PDZD2: variants seen among roughly 807,000 people sequenced by gnomAD.
PDZD2 encodes the protein PDZ domain-containing protein 2.
PDZD2 carries 90 observed loss-of-function variants against 220.7 expected under a neutral mutation model. The ratio of observed to expected loss-of-function variants is 0.41; its 90% CI spans 0.34 to 0.49. The LOEUF is 0.49. PDZD2 is among the 20% of genes least tolerant of loss of function. The pLI, the probability that PDZD2 is intolerant of heterozygous loss-of-function variation, is 0.28. For missense variants in PDZD2, 3,174 were observed against 3,608.5 expected (o/e 0.88, Z 3.08); for synonymous variants, 1,375 against 1,450.5 (o/e 0.95, Z 1.18).
intron 2 of PDZD2, among the ~76,000 whole-genome samples, chr5:31,830,895 A>G (rs895181920): frequency 1.3e-5 from 2 of 152,180 alleles, no homozygotes; most frequent in African/African-American, 4.8e-5. Context: ...GCTAATTCAG[A>G]GGCATTGTGG....
intron 1 of PDZD2, among the ~76,000 whole-genome samples, chr5:31,735,597 C>T (rs1474567045): frequency 6.6e-6 from 1 of 151,862 alleles, no homozygotes; most frequent in South Asian, 2.1e-4. Context: ...GTCAGGAGTT[C>T]GAGACCAGCT....
intron 1 of PDZD2, among the ~76,000 whole-genome samples, chr5:31,663,088 T>C (rs1745846604): frequency 6.6e-6 from 1 of 152,186 alleles, no homozygotes; most frequent in African/African-American, 2.4e-5. Context: ...TCCATTCACG[T>C]CCACAATGCC....
chr5:31,781,477 G>T (rs1310368248), intron 1 of PDZD2, among the ~76,000 whole-genome samples: 2 of 152,212 alleles, frequency 1.3e-5, no homozygotes, highest in East Asian at 3.9e-4. Flanking sequence ...AAGGGAGGAA[G>T]TGGTGGGTAT....
chr5:31,640,638 G>A (rs1275928428), intron 1 of PDZD2, among the ~76,000 whole-genome samples: 1 of 152,030 alleles, frequency 6.6e-6, no homozygotes, highest in Non-Finnish European at 1.5e-5. Flanking sequence ...ATCTCTACTG[G>A]GCCAGCTTTT....
At chr5:32,068,145 A>G (rs1740388809) in intron 14 of PDZD2, among the ~76,000 whole-genome samples, 1 of 151,890 alleles carries the variant, frequency 6.6e-6, no homozygotes, top group African/African-American at 2.4e-5. Context: ...TTTCTGCCAA[A>G]AAAAAAAATG....
chr5:32,090,007 A>G lies in PDZD2; in HGVS notation c.6559A>G (p.Lys2187Glu). The G allele has an allele frequency of 3.1e-6, 5 of 1,605,060 alleles. No individual in the cohort carries two copies. The highest frequency in any genetic ancestry group is 2.2e-5 in the South Asian group (2 of 89,586). Residue 2187 changes from lysine (K) to glutamate (E), a missense_variant, in exon 20 of 25, where the codon AAA becomes GAA. By Grantham distance (56) the Lys-to-Glu change is moderately conservative. Coordinates refer to ENST00000438447, the MANE Select transcript of PDZD2 (RefSeq NM_178140.4). This position sits in a 1 kb window ranked among gnomAD's most constrained non-coding sequence, Gnocchi z 4.3. ...TAGAAAGGCAGAATACTCCCAGGGA[A>G]AATCAAGCCTGATGTCAGACTCCCG... ...AIRKAEYSQG[K>E]SSLMSDSRGV...
At chr5:31,736,843 G>A (rs966226332) in intron 1 of PDZD2, among the ~76,000 whole-genome samples, 1 of 152,134 alleles carries the variant, frequency 6.6e-6, no homozygotes, top group Non-Finnish European at 1.5e-5. Flanking sequence ...GCTCTCACTC[G>A]GAGTTCACAC....
chr5:32,058,674 CAAAA>C (rs35570128), intron 12 of PDZD2, among the ~76,000 whole-genome samples: 1 of 92,250 alleles, frequency 1.1e-5, no homozygotes, highest in African/African-American at 3.7e-5. Context: ...AACTCCGTCT[CAAAA>C]AAAAAAAAAA....
At chr5:31,810,479 A>G (rs1755040758) in intron 2 of PDZD2, among the ~76,000 whole-genome samples, 2 of 152,108 alleles carry the variant, frequency 1.3e-5, no homozygotes, top group African/African-American at 2.4e-5. Flanking sequence ...GTTACCCAGG[A>G]TGGTCTGGAT....
intron 1 of PDZD2, among the ~76,000 whole-genome samples, chr5:31,758,554 G>A (rs887977712): frequency 7.2e-5 from 11 of 152,276 alleles, no homozygotes; most frequent in South Asian, 2.1e-4. Context: ...GATGGGCCCC[G>A]GAAGATTCTA....
chr5:32,093,629 T>C (rs1743387421), intron 21 of PDZD2, among the ~76,000 whole-genome samples: 1 of 152,228 alleles, frequency 6.6e-6, no homozygotes, highest in Non-Finnish European at 1.5e-5. Flanking sequence ...GTTATATGTA[T>C]TATATACTGT....
chr5:32,006,197 A>G (rs1046788227), intron 5 of PDZD2, among the ~76,000 whole-genome samples: 1 of 151,666 alleles, frequency 6.6e-6, no homozygotes, highest in Non-Finnish European at 1.5e-5. Context: ...AGCTGGTTAT[A>G]GCAAGAACTG....
At chr5:32,085,637 G>A (rs1742373111) in intron 19 of PDZD2, among the ~76,000 whole-genome samples, 1 of 149,838 alleles carries the variant, frequency 6.7e-6, no homozygotes, top group Non-Finnish European at 1.5e-5. Context: ...GTAGAGACGG[G>A]AATTTCACCA....
At position 32,054,312 on chromosome 5, in the gene PDZD2, C is replaced by CT. The variant is rs57135705; in HGVS notation, c.1900+455dup. ...CATAGTCTGGTTCCTAAATGAACATCTTTTTTTTTTTTTTTTTTTTTTTTT... is the reference window on the plus strand; with the variant it reads ...CATAGTCTGGTTCCTAAATGAACATCTTTTTTTTTTTTTTTTTTTTTTTTTT... On this transcript the variant is annotated intron_variant, in intron 10 of 24. Transcript: ENST00000438447. Among the ~76,000 whole-genome samples the CT allele has an allele frequency of 5.0e-3, 349 of 69,318 alleles. 54 individuals are homozygous for CT. The highest frequency in any genetic ancestry group is 0.014 in the African/African-American group (257 of 18,476). 45.5% of individuals were successfully genotyped at this position (69,318 alleles called of 152,430 possible).
intron 2 of PDZD2, among the ~76,000 whole-genome samples, chr5:31,839,928 A>G (rs1322723542): frequency 6.6e-6 from 1 of 152,180 alleles, no homozygotes; most frequent in Non-Finnish European, 1.5e-5. Flanking sequence ...CCCTTCTGCC[A>G]TGATTGTTAA....
intron 1 of PDZD2, among the ~76,000 whole-genome samples, chr5:31,641,942 G>C (rs570350448): frequency 6.6e-6 from 1 of 152,072 alleles, no homozygotes; most frequent in Non-Finnish European, 1.5e-5. Context: ...GAGGCAGAGG[G>C]AACACCCCAG....
At chr5:31,837,016 A>AAG (rs1554081401) in intron 2 of PDZD2, among the ~76,000 whole-genome samples, 1 of 146,572 alleles carries the variant, frequency 6.8e-6, no homozygotes, top group African/African-American at 2.5e-5. Context: ...AGACTGTCTT[A>AAG]AAAGAAAGAA....
chr5:32,094,932 G>A (rs1743507196), intron 21 of PDZD2, among the ~76,000 whole-genome samples: 1 of 151,966 alleles, frequency 6.6e-6, no homozygotes, highest in Non-Finnish European at 1.5e-5. Flanking sequence ...TCAGTAAAAG[G>A]GAATAGCCCC....
chr5:31,689,451 T>A (rs902503992), intron 1 of PDZD2, among the ~76,000 whole-genome samples: 1 of 147,016 alleles, frequency 6.8e-6, no homozygotes, highest in Non-Finnish European at 1.5e-5. Context: ...CGCCTTGGCC[T>A]CCAAAGTGCT....
Sources: gnomAD v4.1 joint callset for allele counts (sites outside exome capture counted in the v4.1 genomes callset) on GRCh38, gnomAD v4.1.1 for gene constraint, Gnocchi (gnomAD v3.1) non-coding constraint, MANE v1.5 for transcripts, NCBI Gene and HGNC (gene_info 2026-07-23, HGNC 2026-07-21) for gene names.